Variants in LPCAT3 observed in about 807,000 individuals in gnomAD.
LPCAT3 encodes lysophospholipid acyltransferase 5.
LPCAT3 carries 21 observed loss-of-function variants against 63.4 expected under a neutral mutation model. The ratio of observed to expected loss-of-function variants is 0.33; its 90% confidence interval spans 0.23 to 0.48. LPCAT3 has a LOEUF of 0.48. Among genes scored for constraint, LPCAT3 ranks in the 20% least tolerant of loss-of-function variants. The probability of loss-of-function intolerance (pLI) is 0.99; values close to 1 mark genes in which losing one functional copy is unlikely to be tolerated. For synonymous variants in LPCAT3, 242 were observed against 227.5 expected (o/e 1.06, Z -0.58); for missense variants, 451 against 590.6 (o/e 0.76, Z 2.45).
chr12:7,018,141 G>T lies in LPCAT3; in HGVS notation c.151+133C>A. ...GTCTTCCCTCAGTAGCTGTTGGTGT[G>T]CTTCAGGATTCACACCCGCACCCGG... On this transcript the variant is annotated intron_variant, in intron 1 of 12. Transcript: ENST00000261407. This position sits in a 1 kb window ranked among gnomAD's most constrained non-coding sequence, Gnocchi z 4.9. The T allele has an allele frequency of 1.0e-6, 1 of 975,636 alleles. No homozygotes were observed. Among genetic ancestry groups the T allele is most frequent in the Non-Finnish European group, 1.5e-6 (1 of 647,906 alleles). The allele number at this position is 975,636 out of a possible 1,614,324, so 60.4% of individuals were successfully genotyped here.
intron 1 of LPCAT3, among the ~76,000 whole-genome samples, chr12:7,010,897 GCAT>G (rs1185660781): frequency 6.6e-6 from 1 of 152,090 alleles, no homozygotes; most frequent in Non-Finnish European, 1.5e-5. Context: ...GAATGCAGTG[GCAT>G]CATCATAGTT....
In LPCAT3 at chr12:6,977,862, AG is replaced by A; in HGVS notation, c.1041-118del. On this transcript the variant is annotated intron_variant, in intron 9 of 12. Coordinates refer to ENST00000261407, the MANE Select transcript of LPCAT3 (RefSeq NM_005768.6). The surrounding 1 kb of genome is among the most constrained non-coding windows in gnomAD (Gnocchi z 4.5). ...GGAGTGCTGGTGGGTTCCCACGTGT[AG>A]CCCCCAGAGGGTACAGGAGGCAGTG... is the stretch of plus-strand genomic sequence containing the variant. 1.6e-6 allele frequency: 2 copies of A among 1,213,422 alleles called. No homozygotes were observed. Among genetic ancestry groups the A allele is most frequent in the Non-Finnish European group, 2.4e-6 (2 of 838,282 alleles). The allele number at this position is 1,213,422 out of a possible 1,614,324, so 75.2% of individuals were successfully genotyped here.
intron 7 of LPCAT3, 192 bp downstream of exon 7, chr12:6,979,279 G>C (rs782347362): frequency 1.7e-6 from 1 of 595,980 alleles, no homozygotes; most frequent in Admixed American, 3.0e-5. Flanking sequence ...CCCTGTGCCC[G>C]CGAAGGTTGT....
At position 6,976,861 on chromosome 12, in the gene LPCAT3, G is replaced by C. The variant is rs782242872; in HGVS notation, c.*43C>G. 3 of 312,706 alleles carry C rather than the reference G, an allele frequency of 9.6e-6. No individual in the cohort carries two copies. The highest frequency in any genetic ancestry group is 6.3e-5 in the African/African-American group (3 of 47,480). The allele number at this position is 312,706 out of a possible 1,614,324, so 19.4% of individuals were successfully genotyped here. On this transcript the variant is annotated 3_prime_UTR_variant, in exon 13 of 13. Transcript: ENST00000261407. Reference sequence around the variant, plus strand: ...AGGAGTGCTGTGAAAAGGGAGACGAGTAGTTTCTGCACCAGTCCCGCACAG... The same window carrying C: ...AGGAGTGCTGTGAAAAGGGAGACGACTAGTTTCTGCACCAGTCCCGCACAG...
At chr12:6,990,226 T>C (rs995014023) in intron 1 of LPCAT3, among the ~76,000 whole-genome samples, 1 of 148,828 alleles carries the variant, frequency 6.7e-6, no homozygotes, top group Non-Finnish European at 1.5e-5. Flanking sequence ...AAAAAAAATA[T>C]AAGCGGGGCA....
intron 1 of LPCAT3, among the ~76,000 whole-genome samples, chr12:7,015,454 T>A (rs1265710586): frequency 6.6e-6 from 1 of 152,204 alleles, no homozygotes; most frequent in Non-Finnish European, 1.5e-5. Context: ...GGTTTCTAGG[T>A]TACAATACAC....
At chr12:6,980,001 G>T in intron 6 of LPCAT3, 1 of 157,614 alleles carries the variant, frequency 6.3e-6, no homozygotes, top group Non-Finnish European at 1.4e-5. Flanking sequence ...CTCAGTGAAG[G>T]AATTCTTCTG....
intron 1 of LPCAT3, among the ~76,000 whole-genome samples, chr12:6,989,767 T>C (rs1946570152): frequency 6.6e-6 from 1 of 152,180 alleles, no homozygotes; most frequent in Non-Finnish European, 1.5e-5. Flanking sequence ...ACAACGTGCA[T>C]TGTTAGCGGG....
At chr12:6,994,981 C>CCA (rs1200078579) in intron 1 of LPCAT3, among the ~76,000 whole-genome samples, 15 of 152,182 alleles carry the variant, frequency 9.9e-5, no homozygotes, top group Non-Finnish European at 4.4e-5. Flanking sequence ...AAAGACAGAT[C>CCA]CACATCTTTA....
chr12:6,995,120 GC>G (rs781827971), intron 1 of LPCAT3, among the ~76,000 whole-genome samples: 3 of 74,444 alleles, frequency 4.0e-5, no homozygotes, highest in Admixed American at 3.6e-4. Context: ...CCTTCTCTGG[GC>G]TTTTTTTTTT....
intron 1 of LPCAT3, among the ~76,000 whole-genome samples, chr12:6,993,476 A>G (rs1555155746): frequency 1.3e-5 from 2 of 151,954 alleles, no homozygotes; most frequent in Non-Finnish European, 2.9e-5. Flanking sequence ...CCCACTATCT[A>G]TCTAATTTCA....
At chr12:7,016,099 ATTT>A (rs1201316145) in intron 1 of LPCAT3, among the ~76,000 whole-genome samples, 1 of 143,538 alleles carries the variant, frequency 7.0e-6, no homozygotes, top group Non-Finnish European at 1.5e-5. Context: ...ATGTAATACA[ATTT>A]TTTTTTTTTT....
Position 7,017,754 on chromosome 12 carries a change from G to A in LPCAT3, c.151+520C>T, listed in dbSNP as rs1946805250. On this transcript the variant is annotated intron_variant, in intron 1 of 12. Transcript: ENST00000261407. The surrounding 1 kb of genome is among the most constrained non-coding windows in gnomAD (Gnocchi z 4.1). ...AGCAACATGGTATAAAAAGAAAATA[G>A]TAGGACTGGGACAGAAAAGAGACGA... Among the ~76,000 whole-genome samples the A allele has an allele frequency of 6.6e-6, 1 of 152,224 alleles. No homozygotes were observed. The highest frequency in any genetic ancestry group is 6.5e-5 in the Admixed American group (1 of 15,286).
rs1946524484 is a variant in LPCAT3, at chr12:6,986,201, C to G, written c.152-2662G>C. Reference sequence around the variant, plus strand: ...ACAGCAAGGGTCCCCTTAGACTTCCCTCTGCCTCTGCCACTGCTGAGATGG... The same window carrying G: ...ACAGCAAGGGTCCCCTTAGACTTCCGTCTGCCTCTGCCACTGCTGAGATGG... On this transcript the variant is annotated intron_variant, in intron 1 of 12. Transcript: ENST00000261407. Among the ~76,000 whole-genome samples the G allele has an allele frequency of 3.3e-5, 5 of 152,282 alleles. 1 individual carries two copies. The Middle Eastern group carries it at 0.014, about 414-fold the overall frequency.
chr12:7,011,343 T>C (rs1259821755), intron 1 of LPCAT3, among the ~76,000 whole-genome samples: 12 of 151,994 alleles, frequency 7.9e-5, no homozygotes, highest in African/African-American at 2.9e-4. Context: ...ACCTGGAAAA[T>C]TGTATTTAAA....
In LPCAT3 at chr12:6,978,614, A is replaced by G; in HGVS notation, c.862T>C (p.Trp288Arg). The part of the protein sequence containing the change: ...KFVLYKYVTC[W>R]LVTEGVCILT... Reference sequence around the variant, plus strand: ...ACTTTTCTACTTACTGTGACCAGCCAACAGGTGACATATTTGTACAGCACA... The same window carrying G: ...ACTTTTCTACTTACTGTGACCAGCCGACAGGTGACATATTTGTACAGCACA... Residue 288 changes from tryptophan (W) to arginine (R), a missense_variant, in exon 8 of 13, where the codon TGG (tryptophan) becomes CGG (arginine). Around this residue, in one of 3 missense-constraint regions of LPCAT3, gnomAD observed 304 missense variants for 390.8 expected, o/e 0.78. Transcript: ENST00000261407. 2.5e-6 allele frequency: 4 copies of G among 1,614,238 alleles called. No individual in the cohort carries two copies. Among genetic ancestry groups the G allele is most frequent in the Non-Finnish European group, 3.4e-6 (4 of 1,180,046 alleles).
At position 6,983,550 on chromosome 12, in the gene LPCAT3, G is replaced by A. The variant is rs782571270; in HGVS notation, c.152-11C>T. On this transcript the variant is annotated splice_polypyrimidine_tract_variant and intron_variant, in intron 1 of 12. Transcript: ENST00000261407. ...AAGCAAAGGGGTAACCTAGATGGGG[G>A]AAAAGATAAGAAGAGTGTTATTTGT... 13 of 1,524,306 alleles carry A rather than the reference G, an allele frequency of 8.5e-6. No homozygotes were observed. The highest frequency in any genetic ancestry group is 6.8e-5 in the Admixed American group (4 of 59,242). 94.4% of individuals were successfully genotyped at this position (1,524,306 alleles called of 1,614,324 possible).
chr12:7,011,658 AAAAAAAAAAAG>A (rs1946765092), intron 1 of LPCAT3, among the ~76,000 whole-genome samples: 2 of 151,638 alleles, frequency 1.3e-5, no homozygotes, highest in Middle Eastern at 3.4e-3. Flanking sequence ...AAAAAAAAAA[AAAAAAAAAAAG>A]AAAGAAAGAA....
At chr12:6,990,318 G>A (rs2138342043) in intron 1 of LPCAT3, among the ~76,000 whole-genome samples, 1 of 151,206 alleles carries the variant, frequency 6.6e-6, no homozygotes, top group African/African-American at 2.4e-5. Context: ...GACCATCCTG[G>A]TTAACATGGT....
Sources: gnomAD v4.1 joint callset for allele counts (sites outside exome capture counted in the v4.1 genomes callset) on GRCh38, gnomAD v4.1.1 for gene constraint, gnomAD v4.1.1 regional missense constraint, Gnocchi (gnomAD v3.1) non-coding constraint, MANE v1.5 for transcripts, NCBI Gene and HGNC (gene_info 2026-07-23, HGNC 2026-07-21) for gene names.